The following MINPP1 variants were observed in gnomAD, a reference collection of about 807,000 sequenced individuals.
MINPP1 encodes the protein multiple inositol polyphosphate phosphatase 1.
MINPP1 carries 28 observed loss-of-function variants against 46.1 expected under a neutral mutation model. That is an observed-to-expected ratio of 0.61 (90% confidence interval 0.45 to 0.83). The LOEUF is 0.83. Among genes scored for constraint, MINPP1 ranks in the 40% least tolerant of loss-of-function variants. MINPP1 has a pLI of 0.00. For missense variants in MINPP1, 603 were observed against 610.0 expected, an observed-to-expected ratio of 0.99 and a Z score of 0.12; for synonymous variants, 268 against 249.1, an observed-to-expected ratio of 1.08 and a Z score of -0.72.
rs1193033322 is a variant in MINPP1, at chr10:87,552,386, C to T, written c.1372C>T (p.Leu458=). The change falls in exon 5 of 5, where the codon CTG becomes TTG. Residue 458 remains leucine (L), a synonymous_variant. Transcript: ENST00000371996. ...AGAAACTGTTTCATTTTATGAAGAT[C>T]TGAAGAACCACTACAAGGACATCCT... The part of the protein sequence containing the change: ...SQETVSFYED[L]KNHYKDILQS... 2.5e-6 allele frequency: 4 copies of T among 1,613,504 alleles called. No homozygotes were observed. The highest frequency in any genetic ancestry group is 2.2e-5 in the East Asian group (1 of 44,864).
Position 87,531,676 on chromosome 10 carries a change from T to A in MINPP1, c.1067+10507T>A, listed in dbSNP as rs573670662. Among the ~76,000 whole-genome samples, 196 of 152,308 alleles carry A rather than the reference T, an allele frequency of 1.3e-3. 1 individual carries two copies. The highest frequency in any genetic ancestry group is 3.0e-3 in the African/African-American group (123 of 41,586). On this transcript the variant is annotated intron_variant, in intron 4 of 4. Transcript: ENST00000371996. The stretch of plus-strand genomic sequence containing the variant: ...AACTCCAAAACTTTTTGAGTGCGGA[T>A]GTGATGCAGCAAGTCAAAAATTCCA...
Position 87,505,638 on chromosome 10 carries a change from C to T in MINPP1, c.637+86C>T. 1 of 1,222,716 alleles carries T rather than the reference C, an allele frequency of 8.2e-7. No homozygotes were observed. The highest frequency in any genetic ancestry group is 1.5e-5 in the African/African-American group (1 of 65,226). The allele number at this position is 1,222,716 out of a possible 1,614,324, so 75.7% of individuals were successfully genotyped here. Reference sequence around the variant, plus strand: ...CGCCTCCCCCAGACCCTGGGCTTTTCCGATGCCCCCCAGTTCTCTTTCCTC... The same window carrying T: ...CGCCTCCCCCAGACCCTGGGCTTTTTCGATGCCCCCCAGTTCTCTTTCCTC... On this transcript the variant is annotated intron_variant, in intron 1 of 4. Transcript: ENST00000371996. The surrounding 1 kb of genome is among the most constrained non-coding windows in gnomAD (Gnocchi z 4.4).
Position 87,521,170 on chromosome 10 carries a change from G to A in MINPP1, c.1067+1G>A, listed in dbSNP as rs1851495695. 6.2e-7 allele frequency: 1 copy of A among 1,610,152 alleles called. No homozygotes were observed. ...ACAAAGCAGTTGAACAGAAACAAAG[G>A]TAAGAACTTTCTAAAAAATGTGAAG... is the stretch of plus-strand genomic sequence containing the variant. On this transcript the variant is annotated splice_donor_variant, in intron 4 of 4. Coordinates refer to ENST00000371996, the MANE Select transcript of MINPP1 (RefSeq NM_004897.5). LOFTEE classifies it high-confidence loss of function.
chr10:87,512,810 C>A (rs1300179281), intron 2 of MINPP1, among the ~76,000 whole-genome samples: 1 of 150,888 alleles, frequency 6.6e-6, no homozygotes, highest in Non-Finnish European at 1.5e-5. Context: ...CTAGCCTGGA[C>A]AACAGAGCAA....
chr10:87,530,069 T>C (rs1272916446), intron 4 of MINPP1, among the ~76,000 whole-genome samples: 1 of 152,172 alleles, frequency 6.6e-6, no homozygotes, highest in Non-Finnish European at 1.5e-5. Context: ...TCATTTAAGG[T>C]CTTCTCTAGG....
chr10:87,505,319 C>T lies in MINPP1; in HGVS notation c.404C>T (p.Pro135Leu). The change falls in exon 1 of 5, where the codon CCT (proline) becomes CTT (leucine). Residue 135 changes from proline to leucine, a missense_variant. Pro to Leu is a moderately conservative substitution (Grantham distance 98). Transcript: ENST00000371996. The surrounding 1 kb of genome is among the most constrained non-coding windows in gnomAD (Gnocchi z 4.4). ...CTGGGTGCAGCGCTGGCCGACTGGC[C>T]TTTGTGGTACGCGGACTGGATGGAC... The part of the protein sequence containing the change: ...RDLGAALADW[P>L]LWYADWMDGQ... The T allele has an allele frequency of 1.2e-6, 2 of 1,613,148 alleles. No individual in the cohort carries two copies. Among genetic ancestry groups the T allele is most frequent in the Non-Finnish European group, 8.5e-7 (1 of 1,179,342 alleles).
chr10:87,542,285 CTT>C (rs1018711053), intron 4 of MINPP1, among the ~76,000 whole-genome samples: 7 of 151,424 alleles, frequency 4.6e-5, no homozygotes, highest in African/African-American at 1.7e-4. Flanking sequence ...GTTGTTAAAT[CTT>C]TTTTTCTTTT....
intron 2 of MINPP1, among the ~76,000 whole-genome samples, chr10:87,512,054 G>A (rs1851342800): frequency 6.6e-6 from 1 of 152,106 alleles, no homozygotes; most frequent in South Asian, 2.1e-4. Context: ...AACAGGAAAG[G>A]CAGTAAAATT....
chr10:87,552,800 A>G lies in MINPP1; in HGVS notation c.*322A>G. On this transcript the variant is annotated 3_prime_UTR_variant, in exon 5 of 5. Transcript: ENST00000371996. ...ATTGTGATTTCATAATAACACTTGA[A>G]AAGTGCTGGAGTAACAAAATATCTC... is the stretch of plus-strand genomic sequence containing the variant. The G allele has an allele frequency of 2.9e-6, 1 of 340,866 alleles. No individual in the cohort carries two copies. 21.1% of individuals were successfully genotyped at this position (340,866 alleles called of 1,614,324 possible). A position where few individuals can be genotyped will look rare whatever the true frequency, so the allele number is the denominator to read the frequency against.
chr10:87,528,065 T>A (rs1851603142), intron 4 of MINPP1, among the ~76,000 whole-genome samples: 1 of 148,852 alleles, frequency 6.7e-6, no homozygotes, highest in Admixed American at 6.6e-5. Context: ...CCCTTTATCA[T>A]TTTTTATTGT....
intron 4 of MINPP1, among the ~76,000 whole-genome samples, chr10:87,531,012 A>T (rs1422590566): frequency 6.6e-6 from 1 of 152,184 alleles, no homozygotes; most frequent in Non-Finnish European, 1.5e-5. Context: ...CAGGCGCAGG[A>T]TATAATCTCC....
At position 87,553,215 on chromosome 10, in the gene MINPP1, A is replaced by G. The variant is rs1173381358; in HGVS notation, c.*737A>G. 6.6e-6 allele frequency: 1 copy of G among 152,096 alleles called. No homozygotes were observed. The highest frequency in any genetic ancestry group is 1.5e-5 in the Non-Finnish European group (1 of 68,002). 9.4% of individuals were successfully genotyped at this position (152,096 alleles called of 1,614,324 possible). ...GTTAGAATCGAAGTTTTTCAAATCC[A>G]TTGCTTAGCTAACTTTTTCATTCTG... is the stretch of plus-strand genomic sequence containing the variant. On this transcript the variant is annotated 3_prime_UTR_variant, in exon 5 of 5. Transcript: ENST00000371996.
Position 87,505,090 on chromosome 10 carries a change from G to T in MINPP1, c.175G>T (p.Val59Leu), listed in dbSNP as rs146209573. The T allele has an allele frequency of 1.2e-6, 2 of 1,613,616 alleles. No homozygotes were observed. Among genetic ancestry groups the T allele is most frequent in the Admixed American group, 1.7e-5 (1 of 60,022 alleles). ...GACTCGCTACGAGGATGTCAACCCCGTGCTATTGTCGGGCCCCGAGGCTCC... is the reference window on the plus strand; with the variant it reads ...GACTCGCTACGAGGATGTCAACCCCTTGCTATTGTCGGGCCCCGAGGCTCC... ...TKTRYEDVNP[V>L]LLSGPEAPWR... Residue 59 changes from valine (V) to leucine (L), a missense_variant, in exon 1 of 5, where the codon GTG becomes TTG. This residue lies in a region of MINPP1 where 239 missense variants were observed against 189.4 expected (regional missense o/e 1.26). Transcript: ENST00000371996. This position sits in a 1 kb window ranked among gnomAD's most constrained non-coding sequence, Gnocchi z 4.4.
At chr10:87,524,707 T>C (rs1851549588) in intron 4 of MINPP1, among the ~76,000 whole-genome samples, 1 of 152,148 alleles carries the variant, frequency 6.6e-6, no homozygotes, top group Admixed American at 6.5e-5. Flanking sequence ...TGACGTAATT[T>C]CAGTATTATA....
chr10:87,504,978 GGCGCTGCTCTCGTCGCTTGC>G lies in MINPP1; in HGVS notation c.75_94del (p.Leu27ArgfsTer39), dbSNP rs1323094107. 10 of 1,612,102 alleles carry G rather than the reference GGCGCTGCTCTCGTCGCTTGC, an allele frequency of 6.2e-6. No homozygotes were observed. The highest frequency in any genetic ancestry group is 2.2e-5 in the East Asian group (1 of 44,872). ...TAGCGCCTGCCGCGGCCCTGGCTGC[GGCGCTGCTCTCGTCGCTTGC>G]GCGCTGCTCTCTTCTAGAGCCGAGG... is the stretch of plus-strand genomic sequence containing the variant. On this transcript the variant is annotated frameshift_variant, in exon 1 of 5. Transcript: ENST00000371996. LOFTEE classifies it high-confidence loss of function.
chr10:87,509,795 A>T (rs1851309491), intron 2 of MINPP1: 2 of 262,754 alleles, frequency 7.6e-6, no homozygotes, highest in Non-Finnish European at 1.6e-5. Context: ...TTTTTGATGT[A>T]ATGTTTGCAA....
At chr10:87,542,826 A>G (rs1851835148) in intron 4 of MINPP1, among the ~76,000 whole-genome samples, 1 of 152,200 alleles carries the variant, frequency 6.6e-6, no homozygotes, top group South Asian at 2.1e-4. Flanking sequence ...AAACGGACTA[A>G]CACAAAATTG....
At chr10:87,524,112 T>C (rs568009694) in intron 4 of MINPP1, among the ~76,000 whole-genome samples, 11 of 152,354 alleles carry the variant, frequency 7.2e-5, no homozygotes, top group African/African-American at 2.4e-4. Flanking sequence ...CTAGATGGTA[T>C]CTTCTTCCAA....
chr10:87,542,643 T>C (rs961570250), intron 4 of MINPP1, among the ~76,000 whole-genome samples: 1 of 152,130 alleles, frequency 6.6e-6, no homozygotes, highest in Non-Finnish European at 1.5e-5. Context: ...CTTCTTGCCA[T>C]GTGAAACCTG....
Sources: gnomAD v4.1 joint callset for allele counts (sites outside exome capture counted in the v4.1 genomes callset) on GRCh38, gnomAD v4.1.1 for gene constraint, gnomAD v4.1.1 regional missense constraint, Gnocchi (gnomAD v3.1) non-coding constraint, MANE v1.5 for transcripts, NCBI Gene and HGNC (gene_info 2026-07-23, HGNC 2026-07-21) for gene names.